Variants in TMEM223 observed in about 807,000 individuals in gnomAD.
TMEM223 encodes transmembrane protein 223.
TMEM223 carries 14 observed loss-of-function variants against 14.1 expected under a neutral mutation model. The observed-to-expected ratio is 0.99, with a 90% CI of 0.66 to 1.55. The LOEUF (loss-of-function observed/expected upper bound fraction) is 1.55. Among genes scored for constraint, TMEM223 ranks in the 40% most tolerant of loss-of-function variants. The pLI is 0.00. For missense variants in TMEM223, 346 were observed against 269.9 expected, an observed-to-expected ratio of 1.28 and a Z score of -1.97; for synonymous variants, 145 against 120.5, an observed-to-expected ratio of 1.20 and a Z score of -1.33.
Position 62,790,676 on chromosome 11 carries a change from A to C in TMEM223, c.556T>G (p.Phe186Val). The C allele has an allele frequency of 6.2e-7, 1 of 1,612,428 alleles. No homozygotes were observed. Among genetic ancestry groups the C allele is most frequent in the Non-Finnish European group, 8.5e-7 (1 of 1,179,172 alleles). The change falls in exon 2 of 2, where the codon TTC becomes GTC. Residue 186 changes from phenylalanine to valine, a missense_variant. Transcript: ENST00000307366. ...FYFLLDKTGHFPNTKLFDNTV... is the reference protein window; with the variant it reads ...FYFLLDKTGHVPNTKLFDNTV... ...TTGTCAAAGAGTTTTGTGTTAGGGA[A>C]GTGTCCAGTTTTGTCCAAGAGGAAA...
chr11:62,779,683 T>A (rs2084213086), intron 1 of TMEM223, among the ~76,000 whole-genome samples: 3 of 151,562 alleles, frequency 2.0e-5, no homozygotes, highest in South Asian at 2.1e-4. Context: ...ACATTTTTTT[T>A]AAGATGGGGT....
At chr11:62,786,689 T>G (rs1215550703), downstream of TMEM223, 1 of 1,612,184 alleles carries the variant, frequency 6.2e-7, no homozygotes, top group African/African-American at 1.3e-5. Flanking sequence ...GGCCTCCCGC[T>G]GCCGCCAGGG....
chr11:62,790,138 T>C lies in TMEM223; in HGVS notation c.*485A>G, dbSNP rs2084342171. The C allele has an allele frequency of 7.1e-7, 1 of 1,400,544 alleles. No individual in the cohort carries two copies. The highest frequency in any genetic ancestry group is 2.5e-5 in the East Asian group (1 of 39,952). 86.8% of individuals were successfully genotyped at this position (1,400,544 alleles called of 1,614,324 possible). On this transcript the variant is annotated 3_prime_UTR_variant, in exon 2 of 2. Transcript: ENST00000307366. ...AAGGCCCTGTTTATGTTGGGAGTCT[T>C]AGTTTTCCTTTCGTTGGGGGGTGGG... is the stretch of plus-strand genomic sequence containing the variant.
chr11:62,774,835 G>T (rs1048460744), intron 1 of TMEM223, among the ~76,000 whole-genome samples: 17 of 149,474 alleles, frequency 1.1e-4, no homozygotes, highest in Non-Finnish European at 1.5e-5. Context: ...TGTAATCCCA[G>T]CTACTTGGGA....
chr11:62,789,754 G>A, downstream of TMEM223: 1 of 1,514,696 alleles, frequency 6.6e-7, no homozygotes, highest in Non-Finnish European at 8.9e-7. Flanking sequence ...TGTATTGTGA[G>A]CTTGGCCTAC....
In TMEM223 at chr11:62,772,662, C is replaced by T. The variant is rs188022255; in HGVS notation, c.386-530G>A. On this transcript the variant is annotated intron_variant, in intron 2 of 2. Transcript: ENST00000528367. ...TTGGCTACCATGGCGAAACTCCATC[C>T]CTACTAAAAATACAAAAATTAGCCA... Among the ~76,000 whole-genome samples the T allele has an allele frequency of 2.9e-3, 437 of 151,342 alleles. 2 individuals are homozygous for T. Among genetic ancestry groups the T allele is most frequent in the Non-Finnish European group, 3.0e-3 (204 of 67,860 alleles).
chr11:62,771,262 G>A (rs763996748), downstream of TMEM223: 1 of 152,234 alleles, frequency 6.6e-6, no homozygotes, highest in African/African-American at 2.4e-5. Context: ...AATCTTCAGC[G>A]TCACGTGACC....
At chr11:62,780,464 T>C (rs1402661327) in intron 1 of TMEM223, among the ~76,000 whole-genome samples, 1 of 151,864 alleles carries the variant, frequency 6.6e-6, no homozygotes, top group African/African-American at 2.4e-5. Context: ...TGAGCTGAGA[T>C]TGTGCCATTG....
At chr11:62,786,252 C>T (rs1166488342), downstream of TMEM223, 3 of 1,608,080 alleles carry the variant, frequency 1.9e-6, no homozygotes, top group African/African-American at 2.7e-5. Context: ...TCCTTCTCTT[C>T]CTTCCAGGCA....
intron 1 of TMEM223, among the ~76,000 whole-genome samples, chr11:62,780,117 G>C (rs753473873): frequency 1.3e-4 from 20 of 150,506 alleles, no homozygotes; most frequent in Non-Finnish European, 2.1e-4. Context: ...TCAGGAGTTC[G>C]AGACCAGACT....
At chr11:62,781,803 A>G (rs1295108607) in intron 1 of TMEM223, 3 of 1,074,362 alleles carry the variant, frequency 2.8e-6, no homozygotes, top group Admixed American at 1.8e-5. Flanking sequence ...TAAAACATGA[A>G]TAAGGTGATA....
chr11:62,780,747 T>C (rs1172477828), intron 1 of TMEM223, among the ~76,000 whole-genome samples: 2 of 150,214 alleles, frequency 1.3e-5, no homozygotes, highest in Non-Finnish European at 3.0e-5. Context: ...CTGGCCAACA[T>C]GGTGATTTCC....
intron 1 of TMEM223, among the ~76,000 whole-genome samples, chr11:62,780,112 A>G (rs2084217903): frequency 6.7e-6 from 1 of 150,108 alleles, no homozygotes; most frequent in African/African-American, 2.5e-5. Context: ...TGAAGTCAGG[A>G]GTTCGAGACC....
intron 2 of TMEM223, among the ~76,000 whole-genome samples, chr11:62,773,120 C>A (rs1322860270): frequency 6.7e-6 from 1 of 148,784 alleles, no homozygotes; most frequent in Non-Finnish European, 1.5e-5. Flanking sequence ...GGATTACAGG[C>A]GTGAGCCACC....
intron 1 of TMEM223, among the ~76,000 whole-genome samples, chr11:62,781,359 A>C (rs1451087418): frequency 6.6e-6 from 1 of 152,016 alleles, no homozygotes; most frequent in Non-Finnish European, 1.5e-5. Flanking sequence ...ATCTGGTTTT[A>C]TAGATTGCCT....
intron 1 of TMEM223, among the ~76,000 whole-genome samples, chr11:62,780,039 T>C (rs1165846692): frequency 2.1e-5 from 3 of 143,796 alleles, no homozygotes; most frequent in Non-Finnish European, 4.5e-5. Flanking sequence ...GTGAAACTCC[T>C]GCCCTCAAGC....
chr11:62,782,596 G>C, downstream of TMEM223: 7 of 1,529,510 alleles, frequency 4.6e-6, no homozygotes, highest in Non-Finnish European at 6.2e-6. Flanking sequence ...GCACTCCCGA[G>C]TGTGCTGTAC....
At chr11:62,777,961 A>C in intron 1 of TMEM223, 1 of 1,613,578 alleles carries the variant, frequency 6.2e-7, no homozygotes, top group Non-Finnish European at 8.5e-7. Flanking sequence ...CTGCTCTCCA[A>C]TTCCCTTTTT....
At chr11:62,787,347 G>A (rs776273314), downstream of TMEM223, 17 of 1,531,678 alleles carry the variant, frequency 1.1e-5, no homozygotes, top group Non-Finnish European at 1.3e-5. Context: ...CGGAAATGAC[G>A]TCTCCACCTT....
Sources: allele counts gnomAD v4.1 joint callset (sites outside exome capture counted in the v4.1 genomes callset), GRCh38; gene constraint gnomAD v4.1.1; transcripts MANE v1.5; gene names NCBI Gene and HGNC (gene_info 2026-07-23, HGNC 2026-07-21).